ATP6V1E2: variants seen among roughly 807,000 people sequenced by gnomAD.
ATP6V1E2 encodes V-type proton ATPase subunit E 2.
For missense variants in ATP6V1E2, 308 were observed against 273.3 expected (o/e 1.13, Z -0.90); for synonymous variants, 121 against 104.2 (o/e 1.16, Z -0.98).
chr2:46,517,122 G>A (rs983375118), intron 4 of ATP6V1E2, among the ~76,000 whole-genome samples: 2 of 152,168 alleles, frequency 1.3e-5, no homozygotes, highest in Non-Finnish European at 2.9e-5. Flanking sequence ...GTATGGTACT[G>A]GCATAAAGCT....
intron 4 of ATP6V1E2, among the ~76,000 whole-genome samples, chr2:46,526,754 T>C (rs747061227): frequency 6.6e-6 from 1 of 152,242 alleles, no homozygotes; most frequent in South Asian, 2.1e-4. Context: ...TGTGTGTATA[T>C]ACCATATTTT....
chr2:46,526,358 C>T lies in ATP6V1E2; in HGVS notation c.-102+9455G>A, dbSNP rs7591050. ...TTGAACTCCTGGACCTTCAGTGATC[C>T]ACCTGCCTCAGCCTCCCAAAGTGCT... On this transcript the variant is annotated intron_variant, in intron 4 of 4. Transcript: ENST00000522587. Among the ~76,000 whole-genome samples, 493 of 152,252 alleles carry T rather than the reference C, an allele frequency of 3.2e-3. 4 individuals carry two copies. Among genetic ancestry groups the T allele is most frequent in the African/African-American group, 0.011 (468 of 41,542 alleles).
rs143208278 is a variant in ATP6V1E2, at chr2:46,523,055, T to C, written c.-101-10243A>G. Among the ~76,000 whole-genome samples the C allele has an allele frequency of 7.6e-3, 1,161 of 152,348 alleles. 10 individuals carry two copies. The highest frequency in any genetic ancestry group is 0.026 in the African/African-American group (1,095 of 41,576). On this transcript the variant is annotated intron_variant, in intron 4 of 4. Transcript: ENST00000522587. ...TAAATGTCTTCTTTTGAGAAATGTC[T>C]GTTCATATCCTTTGCCCACTTTTTG... is the stretch of plus-strand genomic sequence containing the variant.
chr2:46,528,681 C>G (rs1458260273), intron 4 of ATP6V1E2, among the ~76,000 whole-genome samples: 1 of 152,190 alleles, frequency 6.6e-6, no homozygotes, highest in East Asian at 1.9e-4. Flanking sequence ...GGTTCAGACC[C>G]CAGTCCTGAT....
intron 1 of ATP6V1E2, 46 bp from the exon 2 acceptor site, chr2:46,541,499 T>G (rs1256677030): frequency 6.6e-6 from 1 of 152,208 alleles, no homozygotes; most frequent in Non-Finnish European, 1.5e-5. Flanking sequence ...TTTCCCCAAG[T>G]GTGCTCCAAG....
intron 4 of ATP6V1E2, among the ~76,000 whole-genome samples, chr2:46,528,347 T>G (rs776136042): frequency 6.6e-6 from 1 of 152,250 alleles, no homozygotes; most frequent in Non-Finnish European, 1.5e-5. Flanking sequence ...GAAGGTCTCA[T>G]GTACCCACTC....
intron 4 of ATP6V1E2, among the ~76,000 whole-genome samples, chr2:46,517,847 A>G (rs368141147): frequency 6.6e-6 from 1 of 152,334 alleles, no homozygotes; most frequent in African/African-American, 2.4e-5. Flanking sequence ...AGAAAGAAAA[A>G]GAAAATAACA....
chr2:46,521,463 T>C (rs1026185688), intron 4 of ATP6V1E2, among the ~76,000 whole-genome samples: 1 of 152,126 alleles, frequency 6.6e-6, no homozygotes, highest in Non-Finnish European at 1.5e-5. Flanking sequence ...GGGTGTGTGC[T>C]TCCTACCCCT....
chr2:46,512,744 C>T lies in ATP6V1E2; in HGVS notation c.-33G>A, dbSNP rs1455729357. The T allele has an allele frequency of 6.4e-7, 1 of 1,569,950 alleles. No individual in the cohort carries two copies. The highest frequency in any genetic ancestry group is 1.4e-5 in the African/African-American group (1 of 73,528). The stretch of plus-strand genomic sequence containing the variant: ...CTCAGAGGGGACGGCAGAGAGGGAG[C>T]TCGTACACCGTTTGGCTCCTTTGAC... On this transcript the variant is annotated 5_prime_UTR_variant, in exon 5 of 5. Transcript: ENST00000522587.
intron 4 of ATP6V1E2, among the ~76,000 whole-genome samples, chr2:46,523,003 CT>C (rs1439549277): frequency 6.6e-6 from 1 of 152,072 alleles, no homozygotes; most frequent in Admixed American, 6.6e-5. Context: ...TGATATTCAG[CT>C]TTTTTTCATA....
intron 4 of ATP6V1E2, among the ~76,000 whole-genome samples, chr2:46,516,110 G>T (rs1264851703): frequency 2.0e-5 from 3 of 152,152 alleles, no homozygotes; most frequent in Non-Finnish European, 4.4e-5. Flanking sequence ...TGTCAAAATG[G>T]AGAGAATATC....
Position 46,512,384 on chromosome 2 carries a change from C to T in ATP6V1E2, c.328G>A (p.Glu110Lys), listed in dbSNP as rs772203260. 12 of 1,614,050 alleles carry T rather than the reference C, an allele frequency of 7.4e-6. No individual in the cohort carries two copies. The highest frequency in any genetic ancestry group is 9.3e-6 in the Non-Finnish European group (11 of 1,180,044). Residue 110 changes from glutamate to lysine, a missense_variant, in exon 5 of 5, where the codon GAG (glutamate) becomes AAG (lysine). Transcript: ENST00000522587. ...LRLSRIVEDP[E>K]VYQGLLDKLV... ...TTATCCAGCAGCCCCTGGTAGACCT[C>T]TGGGTCCTCCACAATCCTGCTGAGT...
chr2:46,517,085 T>A (rs958612723), intron 4 of ATP6V1E2, among the ~76,000 whole-genome samples: 1 of 152,204 alleles, frequency 6.6e-6, no homozygotes, highest in Non-Finnish European at 1.5e-5. Context: ...CTTCAACATA[T>A]ACTACGAAGT....
rs753854891 is a variant in ATP6V1E2, at chr2:46,530,863, C to A, written c.-102+4950G>T. On this transcript the variant is annotated intron_variant, in intron 4 of 4. Transcript: ENST00000522587. The surrounding 1 kb of genome is among the most constrained non-coding windows in gnomAD (Gnocchi z 5.2). ...AGATCTCATGAGACTTATTCACTAG[C>A]GCAAGAACAGCACAGGAAAAACCCA... 6.6e-6 allele frequency among the ~76,000 whole-genome samples: 1 copy of A among 152,148 alleles called. No homozygotes were observed. The highest frequency in any genetic ancestry group is 2.4e-5 in the African/African-American group (1 of 41,428).
At chr2:46,531,944 G>C (rs558176911) in intron 4 of ATP6V1E2, among the ~76,000 whole-genome samples, 1 of 152,306 alleles carries the variant, frequency 6.6e-6, no homozygotes, top group South Asian at 2.1e-4. Flanking sequence ...AGAGTCTTAT[G>C]AGCTATTTAA....
At chr2:46,533,740 T>C (rs1197758841) in intron 4 of ATP6V1E2, among the ~76,000 whole-genome samples, 2 of 152,260 alleles carry the variant, frequency 1.3e-5, no homozygotes, top group African/African-American at 4.8e-5. Context: ...TTTCTTGTAT[T>C]GAAGATCTTC....
intron 4 of ATP6V1E2, among the ~76,000 whole-genome samples, chr2:46,524,075 G>A (rs896983706): frequency 6.6e-6 from 1 of 151,084 alleles, no homozygotes; most frequent in Non-Finnish European, 1.5e-5. Flanking sequence ...TTTGCACATT[G>A]ATTTTGTATC....
At chr2:46,529,668 A>C (rs1339409320) in intron 4 of ATP6V1E2, among the ~76,000 whole-genome samples, 3 of 152,128 alleles carry the variant, frequency 2.0e-5, no homozygotes, top group African/African-American at 7.2e-5. Context: ...AGGCGGGAGG[A>C]TCACTAGAGC....
chr2:46,537,044 A>G (rs1344413918), intron 2 of ATP6V1E2, among the ~76,000 whole-genome samples: 1 of 152,128 alleles, frequency 6.6e-6, no homozygotes, highest in African/African-American at 2.4e-5. Context: ...CGGCCTCCCA[A>G]AGTGCTGGGA....
Sources: allele counts gnomAD v4.1 joint callset (sites outside exome capture counted in the v4.1 genomes callset), GRCh38; gene constraint gnomAD v4.1.1; non-coding constraint Gnocchi (gnomAD v3.1); transcripts MANE v1.5; gene names NCBI Gene and HGNC (gene_info 2026-07-23, HGNC 2026-07-21).